Variants in ULK4 observed in about 807,000 individuals in gnomAD.
ULK4 encodes the protein inactive serine/threonine-protein kinase ULK4.
Under a neutral mutation model 160.6 loss-of-function variants are expected in ULK4, and 133 were observed. The ratio of observed to expected loss-of-function variants is 0.83; its 90% CI spans 0.72 to 0.96. The LOEUF is 0.96. Ranked by LOEUF, ULK4 falls within the 40% of genes least tolerant of loss-of-function variation. The pLI is 0.00. For missense variants in ULK4, 1,580 were observed against 1,499.5 expected (o/e 1.05, Z -0.89); for synonymous variants, 534 against 539.8 (o/e 0.99, Z 0.15).
intron 19 of ULK4, among the ~76,000 whole-genome samples, chr3:41,807,756 C>A (rs1013166258): frequency 6.6e-6 from 1 of 152,170 alleles, no homozygotes; most frequent in African/African-American, 2.4e-5. Flanking sequence ...CAAACTTCAA[C>A]ACATTTTTCA....
At chr3:41,454,350 G>A (rs74541452) in intron 34 of ULK4, among the ~76,000 whole-genome samples, 2 of 150,668 alleles carry the variant, frequency 1.3e-5, no homozygotes, top group Non-Finnish European at 3.0e-5. Context: ...GACCGGCCTG[G>A]ACAATATGGT....
Position 41,383,103 on chromosome 3 carries a change from T to G in ULK4, c.3678+14976A>C, listed in dbSNP as rs563646280. 2.9e-5 allele frequency among the ~76,000 whole-genome samples: 3 copies of G among 104,018 alleles called. No individual in the cohort carries two copies. The Admixed American group carries it at 3.1e-4, about 11-fold the overall frequency. 68.2% of individuals were successfully genotyped at this position (104,018 alleles called of 152,430 possible). A position where few individuals can be genotyped will look rare whatever the true frequency, so the allele number is the denominator to read the frequency against. Reference sequence around the variant, plus strand: ...TTTTTCTTTTTCTTTTTTTTTTTCTTGTTTTTTTTTCTGACACAGAGTTTC... The same window carrying G: ...TTTTTCTTTTTCTTTTTTTTTTTCTGGTTTTTTTTTCTGACACAGAGTTTC... On this transcript the variant is annotated intron_variant, in intron 35 of 36. Transcript: ENST00000301831.
intron 35 of ULK4, among the ~76,000 whole-genome samples, chr3:41,360,035 A>T (rs1282199156): frequency 1.3e-5 from 2 of 152,186 alleles, no homozygotes; most frequent in East Asian, 3.8e-4. Context: ...CATCTGACAA[A>T]AGTCTAATAC....
intron 30 of ULK4, among the ~76,000 whole-genome samples, chr3:41,643,368 A>C (rs951258286): frequency 5.3e-5 from 8 of 152,152 alleles, no homozygotes; most frequent in African/African-American, 1.7e-4. Flanking sequence ...TAATTTTTGT[A>C]TAAGGTGTAA....
intron 32 of ULK4, among the ~76,000 whole-genome samples, chr3:41,470,018 G>GAAAAAAAAAAAAAAAAAAAA (rs71094650): frequency 9.1e-4 from 42 of 45,972 alleles, no homozygotes; most frequent in Admixed American, 1.8e-3. Flanking sequence ...AAACAGAACA[G>GAAAAAAAAAAAAAAAAAAAA]AAAAAAAAAA....
intron 17 of ULK4, among the ~76,000 whole-genome samples, chr3:41,841,303 C>T (rs557544129): frequency 6.9e-6 from 1 of 144,114 alleles, no homozygotes; most frequent in Middle Eastern, 4.1e-3. Flanking sequence ...GGCGCCTCTG[C>T]CCGGCCGCCC....
intron 21 of ULK4, among the ~76,000 whole-genome samples, chr3:41,766,258 ACT>A (rs1239538305): frequency 6.6e-6 from 1 of 152,116 alleles, no homozygotes; most frequent in Admixed American, 6.5e-5. Context: ...TCAGAGCAAG[ACT>A]CTGTCTCAAA....
chr3:41,590,065 C>T (rs977567660), intron 31 of ULK4, among the ~76,000 whole-genome samples: 1 of 151,672 alleles, frequency 6.6e-6, no homozygotes, highest in Non-Finnish European at 1.5e-5. Context: ...TACAGTGGCG[C>T]GATCTCGGCT....
intron 18 of ULK4, among the ~76,000 whole-genome samples, chr3:41,825,009 T>C (rs1462267183): frequency 6.6e-6 from 1 of 152,184 alleles, no homozygotes; most frequent in East Asian, 1.9e-4. Context: ...TGTTCACCAA[T>C]ATCCGCTGTT....
intron 35 of ULK4, among the ~76,000 whole-genome samples, chr3:41,392,506 A>G (rs2081978294): frequency 6.6e-6 from 1 of 152,122 alleles, no homozygotes; most frequent in Non-Finnish European, 1.5e-5. Flanking sequence ...CCCCAAGATG[A>G]TTCTCTAACA....
chr3:41,934,963 A>T (rs144013518), intron 4 of ULK4, among the ~76,000 whole-genome samples: 5 of 152,122 alleles, frequency 3.3e-5, no homozygotes, highest in Admixed American at 3.3e-4. Context: ...TTCACATTCA[A>T]AAAGCAACTT....
chr3:41,516,722 A>G (rs6771534), intron 32 of ULK4, among the ~76,000 whole-genome samples: 121,400 of 144,392 alleles, frequency 0.84, 52,436 homozygotes, highest in Non-Finnish European at 0.94. Context: ...GAAGGTTGAG[A>G]TGGTTAATGA....
At chr3:41,705,028 A>C (rs765033039) in intron 27 of ULK4, 29 bp downstream of exon 27, 1 of 1,555,216 alleles carries the variant, frequency 6.4e-7, no homozygotes, top group Admixed American at 1.9e-5. Context: ...ATTTAAAAGG[A>C]GCTTTTTTCA....
intron 22 of ULK4, among the ~76,000 whole-genome samples, chr3:41,735,153 G>C (rs1210478795): frequency 6.6e-6 from 1 of 152,146 alleles, no homozygotes; most frequent in Non-Finnish European, 1.5e-5. Context: ...ATATTAATCA[G>C]ATAGCGGATA....
intron 32 of ULK4, among the ~76,000 whole-genome samples, chr3:41,464,414 C>T (rs551675077): frequency 6.6e-6 from 1 of 152,090 alleles, no homozygotes; most frequent in Non-Finnish European, 1.5e-5. Flanking sequence ...AAAAACAAAA[C>T]TGAGTTTCAA....
chr3:41,300,166 C>T (rs1246731432), intron 35 of ULK4, among the ~76,000 whole-genome samples: 1 of 152,156 alleles, frequency 6.6e-6, no homozygotes, highest in Non-Finnish European at 1.5e-5. Context: ...GCATTGGTTA[C>T]ATTTCTTTGA....
intron 2 of ULK4, among the ~76,000 whole-genome samples, chr3:41,941,416 T>C (rs889573406): frequency 2.1e-5 from 3 of 143,462 alleles, no homozygotes; most frequent in African/African-American, 7.7e-5. Flanking sequence ...AATGAGCCCA[T>C]ATATGCAGAG....
intron 17 of ULK4, among the ~76,000 whole-genome samples, chr3:41,881,328 A>C (rs113340300): frequency 6.7e-6 from 1 of 149,762 alleles, no homozygotes; most frequent in Non-Finnish European, 1.5e-5. Flanking sequence ...AAGATGAAAC[A>C]TGGTACCATG....
intron 32 of ULK4, among the ~76,000 whole-genome samples, chr3:41,514,448 A>G (rs1264644618): frequency 6.6e-6 from 1 of 152,224 alleles, no homozygotes; most frequent in Non-Finnish European, 1.5e-5. Context: ...AGTTCTGATG[A>G]GACCACAGCA....
Sources: allele counts gnomAD v4.1 joint callset (sites outside exome capture counted in the v4.1 genomes callset), GRCh38; gene constraint gnomAD v4.1.1; transcripts MANE v1.5; gene names NCBI Gene and HGNC (gene_info 2026-07-23, HGNC 2026-07-21).